Variants in ERVK3-1 observed in about 807,000 individuals in gnomAD.
The protein encoded by ERVK3-1 is endogenous retrovirus group K3 member 1.
rs2051559679 is a variant in ERVK3-1, at chr19:58,312,025, C to T, written c.-3-141C>T. 7.6e-6 allele frequency: 3 copies of T among 397,134 alleles called. No individual in the cohort carries two copies. Among genetic ancestry groups the T allele is most frequent in the East Asian group, 7.1e-5 (2 of 28,040 alleles). 24.6% of individuals were successfully genotyped at this position (397,134 alleles called of 1,614,324 possible). On this transcript the variant is annotated intron_variant, in intron 2 of 3. Transcript: ENST00000413518. This position sits in a 1 kb window ranked among gnomAD's most constrained non-coding sequence, Gnocchi z 4.7. Reference sequence around the variant, plus strand: ...ACTCCTGGTACGGATGGCAAGACCCCAGCAGAACGACACTGGCAACTGCTA... The same window carrying T: ...ACTCCTGGTACGGATGGCAAGACCCTAGCAGAACGACACTGGCAACTGCTA...
At chr19:58,316,485 C>A (rs1461086307), downstream of ERVK3-1, among the ~76,000 whole-genome samples, 1 of 152,036 alleles carries the variant, frequency 6.6e-6, no homozygotes, top group Non-Finnish European at 1.5e-5. Flanking sequence ...GCCTGGCCAA[C>A]ATGGTGAAAC....
At chr19:58,314,973 T>C in exon 4 of ERVK3-1, 1 of 390,264 alleles carries the variant, frequency 2.6e-6, no homozygotes, top group Non-Finnish European at 4.5e-6. Flanking sequence ...CCAGAAGGAA[T>C]GCTGGGGGCA....
At chr19:58,309,117 T>C (rs1222795091) in intron 2 of ERVK3-1, 1 of 152,208 alleles carries the variant, frequency 6.6e-6, no homozygotes, top group African/African-American at 2.4e-5. Context: ...TTGTGATCAA[T>C]GAAAAGTTTT....
At chr19:58,311,918 GA>G in intron 2 of ERVK3-1, 1 of 314,428 alleles carries the variant, frequency 3.2e-6, no homozygotes. Flanking sequence ...AACGCATGCT[GA>G]AAAAACAAAA....
chr19:58,311,636 T>C (rs1339747665), intron 2 of ERVK3-1: 1 of 152,242 alleles, frequency 6.6e-6, no homozygotes. Flanking sequence ...AGCCTTTGGC[T>C]AACTCCGCTA....
intron 2 of ERVK3-1, chr19:58,309,993 T>TA (rs2051546276): frequency 6.6e-6 from 1 of 152,180 alleles, no homozygotes; most frequent in South Asian, 2.1e-4. Context: ...TTCACCCTTT[T>TA]ATTCCCCCTG....
intron 3 of ERVK3-1, 53 bp from the exon 4 acceptor site, chr19:58,314,693 CTT>C (rs952706324): frequency 5.7e-4 from 171 of 302,232 alleles, no homozygotes; most frequent in African/African-American, 4.0e-4. Context: ...TTCAATGTCT[CTT>C]TTATAATAAT....
chr19:58,305,387 A>T (rs912997070), exon 1 of ERVK3-1: 1 of 152,308 alleles, frequency 6.6e-6, no homozygotes, highest in Non-Finnish European at 1.5e-5. Context: ...AGTGTGTAAG[A>T]CGCTCACGGG....
Position 58,312,544 on chromosome 19 carries a change from G to T in ERVK3-1, c.294+82G>T. On this transcript the variant is annotated intron_variant, in intron 3 of 3. Coordinates refer to ENST00000413518, the Ensembl canonical transcript of ERVK3-1. The surrounding 1 kb of genome is among the most constrained non-coding windows in gnomAD (Gnocchi z 4.7). ...GGTAGTACGACTGGTACTCTGGAGC[G>T]ACACTCCTCCTGAGATATATTATGA... The T allele has an allele frequency of 2.5e-6, 1 of 399,006 alleles. No individual in the cohort carries two copies. Among genetic ancestry groups the T allele is most frequent in the South Asian group, 1.4e-4 (1 of 7,286 alleles). The allele number at this position is 399,006 out of a possible 1,614,324, so 24.7% of individuals were successfully genotyped here. A position where few individuals can be genotyped will look rare whatever the true frequency, so the allele number is the denominator to read the frequency against.
chr19:58,312,573 G>A lies in ERVK3-1; in HGVS notation c.294+111G>A, dbSNP rs1163398296. Reference sequence around the variant, plus strand: ...CTCCTCCTGAGATATATTATGATCAGGGAGCGTGGGCACCAGGACCCCTAA... The same window carrying A: ...CTCCTCCTGAGATATATTATGATCAAGGAGCGTGGGCACCAGGACCCCTAA... On this transcript the variant is annotated intron_variant, in intron 3 of 3. Coordinates refer to ENST00000413518, the Ensembl canonical transcript of ERVK3-1. This position sits in a 1 kb window ranked among gnomAD's most constrained non-coding sequence, Gnocchi z 4.7. 5.0e-6 allele frequency: 2 copies of A among 398,490 alleles called. No homozygotes were observed. The highest frequency in any genetic ancestry group is 4.1e-5 in the African/African-American group (2 of 48,572). 24.7% of individuals were successfully genotyped at this position (398,490 alleles called of 1,614,324 possible).
chr19:58,315,100 C>A, exon 4 of ERVK3-1: 2 of 265,198 alleles, frequency 7.5e-6, no homozygotes, highest in Non-Finnish European at 1.4e-5. Flanking sequence ...CGACAGTTAT[C>A]CCTTCCTCCC....
rs148600608 is a variant in ERVK3-1 at position 58,311,898 on chromosome 19, C to G, written c.-3-268C>G. ...GCCAGGCATTATTGAGCGGGTACAT[C>G]AAACACTACAACGCATGCTGAAAAA... is the stretch of plus-strand genomic sequence containing the variant. On this transcript the variant is annotated intron_variant, in intron 2 of 3. Coordinates refer to ENST00000413518, the Ensembl canonical transcript of ERVK3-1. The G allele has an allele frequency of 9.4e-4, 253 of 270,418 alleles. 1 individual carries two copies. In the Admixed American group the frequency reaches 9.5e-3, roughly 10 times the overall value. The allele number at this position is 270,418 out of a possible 1,614,324, so 16.8% of individuals were successfully genotyped here. A position where few individuals can be genotyped will look rare whatever the true frequency, so the allele number is the denominator to read the frequency against.
rs1055659766 is a variant in ERVK3-1 at position 58,312,369 on chromosome 19, G to A, written c.201G>A (p.Thr67=). The change falls in exon 3 of 4, where the codon ACG becomes ACA. Residue 67 remains threonine, a synonymous_variant. Coordinates refer to ENST00000413518, the Ensembl canonical transcript of ERVK3-1. The surrounding 1 kb of genome is among the most constrained non-coding windows in gnomAD (Gnocchi z 4.7). ...TAACATGGGGACAGATCAAGAAAAC[G>A]ACACAAGAAGCTGAGAAACTACTGG... 1.2e-5 allele frequency: 5 copies of A among 400,182 alleles called. No homozygotes were observed. In the Admixed American group the frequency reaches 1.3e-4, roughly 11 times the overall value. The allele number at this position is 400,182 out of a possible 1,614,324, so 24.8% of individuals were successfully genotyped here. A position where few individuals can be genotyped will look rare whatever the true frequency, so the allele number is the denominator to read the frequency against.
At chr19:58,314,881 T>C (rs1221015780) in exon 4 of ERVK3-1, 2 of 398,290 alleles carry the variant, frequency 5.0e-6, no homozygotes, top group Non-Finnish European at 4.4e-6. Context: ...CAACTCAGTA[T>C]ACCACTGGAG....
At chr19:58,315,137 G>C (rs994069001) in exon 4 of ERVK3-1, 1 of 199,898 alleles carries the variant, frequency 5.0e-6, no homozygotes, top group Non-Finnish European at 1.0e-5. Context: ...TAAATATGAA[G>C]GGCTGTAAAA....
intron 1 of ERVK3-1, among the ~76,000 whole-genome samples, chr19:58,305,791 CCG>C (rs2051518514): frequency 6.6e-6 from 1 of 152,204 alleles, no homozygotes; most frequent in African/African-American, 2.4e-5. Flanking sequence ...ACTGCGTCTG[CCG>C]CCAGAAGGAA....
intron 2 of ERVK3-1, among the ~76,000 whole-genome samples, chr19:58,306,926 G>T (rs142411749): frequency 6.6e-6 from 1 of 152,296 alleles, no homozygotes; most frequent in Non-Finnish European, 1.5e-5. Context: ...AGCACTATGC[G>T]CCTCCCACCC....
chr19:58,306,694 G>C (rs1270606175), intron 2 of ERVK3-1: 3 of 152,200 alleles, frequency 2.0e-5, no homozygotes, highest in Non-Finnish European at 4.4e-5. Context: ...AGCAGAAATA[G>C]AGACCCCAGT....
rs1213409124 is a variant in ERVK3-1 at position 58,310,258 on chromosome 19, G to A, written c.-3-1908G>A. The A allele has an allele frequency of 6.6e-6, 1 of 152,510 alleles. No homozygotes were observed. Among genetic ancestry groups the A allele is most frequent in the Non-Finnish European group, 1.5e-5 (1 of 68,226 alleles). The allele number at this position is 152,510 out of a possible 1,614,324, so 9.4% of individuals were successfully genotyped here. Reference sequence around the variant, plus strand: ...CATTAAAACTGCCACTATCAAGAGTGTACGGACCAGCCCCACAGGGTCGGT... The same window carrying A: ...CATTAAAACTGCCACTATCAAGAGTATACGGACCAGCCCCACAGGGTCGGT... On this transcript the variant is annotated intron_variant, in intron 2 of 3. Transcript: ENST00000413518. The surrounding 1 kb of genome is among the most constrained non-coding windows in gnomAD (Gnocchi z 4.7).
Sources: allele counts gnomAD v4.1 joint callset (sites outside exome capture counted in the v4.1 genomes callset), GRCh38; gene constraint gnomAD v4.1.1; non-coding constraint Gnocchi (gnomAD v3.1); transcripts MANE v1.5; gene names NCBI Gene and HGNC (gene_info 2026-07-23, HGNC 2026-07-21).